PCDHGB1: variants seen among roughly 807,000 people sequenced by gnomAD.
PCDHGB1 encodes protocadherin gamma subfamily B, 1, also known as protocadherin gamma-B1.
PCDHGB1 carries 34 observed loss-of-function variants against 56.6 expected under a neutral mutation model. The observed-to-expected ratio is 0.60, with a 90% confidence interval of 0.46 to 0.80. PCDHGB1 has a LOEUF of 0.80. PCDHGB1 is among the 30% of genes least tolerant of loss of function. The probability of loss-of-function intolerance (pLI) is 0.00; values close to 1 mark genes in which losing one functional copy is unlikely to be tolerated. For synonymous variants in PCDHGB1, 561 were observed against 505.9 expected, an observed-to-expected ratio of 1.11 and a Z score of -1.46; for missense variants, 1,278 against 1,204.6, an observed-to-expected ratio of 1.06 and a Z score of -0.90.
At chr5:141,421,184 C>T (rs2096551183) in intron 1 of PCDHGB1, 4 of 1,457,822 alleles carry the variant, frequency 2.7e-6, no homozygotes, top group Non-Finnish European at 3.7e-6. Context: ...CGATTCACAA[C>T]CAACCAGCTC....
rs1427881816 is a variant in PCDHGB1 at position 141,486,740 on chromosome 5, T to C, written c.2410-8067T>C. ...AGGAGCTGTTCATGCTACTCGATCC[T>C]TTGACTATGAGCAAACCCAGACACT... On this transcript the variant is annotated intron_variant, in intron 1 of 3. Coordinates refer to ENST00000523390, the MANE Select transcript of PCDHGB1 (RefSeq NM_018922.3). The surrounding 1 kb of genome is among the most constrained non-coding windows in gnomAD (Gnocchi z 5.0). 6.2e-7 allele frequency: 1 copy of C among 1,614,234 alleles called. No homozygotes were observed. Among genetic ancestry groups the C allele is most frequent in the Admixed American group, 1.7e-5 (1 of 60,026 alleles).
intron 1 of PCDHGB1, chr5:141,356,408 GGTTGTT>G: frequency 3.8e-6 from 6 of 1,595,544 alleles, no homozygotes; most frequent in Non-Finnish European, 5.1e-6. Flanking sequence ...AATTATTATC[GGTTGTT>G]GACACACAGA....
intron 1 of PCDHGB1, chr5:141,378,252 C>A (rs939045432): frequency 6.6e-6 from 1 of 152,178 alleles, no homozygotes; most frequent in Admixed American, 6.5e-5. Context: ...TGGCCGGGTG[C>A]GGTGGCTCAT....
intron 1 of PCDHGB1, chr5:141,418,471 G>A (rs199547102): frequency 1.9e-6 from 3 of 1,614,002 alleles, no homozygotes; most frequent in South Asian, 2.2e-5. Flanking sequence ...ACCGAGAAAC[G>A]CAGAGCGCTC....
At chr5:141,475,902 C>T (rs1296545944) in intron 1 of PCDHGB1, 1 of 576,594 alleles carries the variant, frequency 1.7e-6, no homozygotes, top group Non-Finnish European at 3.0e-6. Context: ...GTGCCGCTGT[C>T]GGCCAATGAA....
chr5:141,376,868 T>G, intron 1 of PCDHGB1: 1 of 220,664 alleles, frequency 4.5e-6, no homozygotes, highest in East Asian at 1.2e-4. Flanking sequence ...TTTGTATTTT[T>G]AGTAGAGACG....
In PCDHGB1 at chr5:141,404,090, G is replaced by T. The variant is rs1014506897; in HGVS notation, c.2409+51421G>T. On this transcript the variant is annotated intron_variant, in intron 1 of 3. Transcript: ENST00000523390. ...TCATGACCGAGACTCCGGGAAGAATGGTCAAGTTGTCTGTTCTATCCAGGA... is the reference window on the plus strand; with the variant it reads ...TCATGACCGAGACTCCGGGAAGAATTGTCAAGTTGTCTGTTCTATCCAGGA... 4 of 1,613,262 alleles carry T rather than the reference G, an allele frequency of 2.5e-6. No homozygotes were observed. In the Admixed American group the frequency reaches 6.7e-5, roughly 27 times the overall value.
intron 1 of PCDHGB1, chr5:141,423,750 TGG>T (rs144521096): frequency 3.2e-4 from 92 of 287,850 alleles, no homozygotes; most frequent in South Asian, 5.2e-4. Context: ...GAAAACTGTT[TGG>T]GGGGGGGGTG....
rs536902009 is a variant in PCDHGB1, at chr5:141,361,669, G to T, written c.2409+9000G>T. 2.5e-6 allele frequency: 4 copies of T among 1,613,692 alleles called. No individual in the cohort carries two copies. The African/African-American group carries it at 4.0e-5, about 16-fold the overall frequency. ...CTACGTGTCCGTGAGCGCGCAGAGC[G>T]GGGTGGTGTTCGCGCAGCGCGCCTT... On this transcript the variant is annotated intron_variant, in intron 1 of 3. Transcript: ENST00000523390.
chr5:141,504,135 C>T (rs758903340), intron 2 of PCDHGB1, among the ~76,000 whole-genome samples: 1 of 152,188 alleles, frequency 6.6e-6, no homozygotes, highest in Non-Finnish European at 1.5e-5. Context: ...CCCGCCAACA[C>T]TCCCCTGCAA....
At chr5:141,408,896 G>A (rs1441378199) in intron 1 of PCDHGB1, 5 of 1,613,328 alleles carry the variant, frequency 3.1e-6, no homozygotes, top group East Asian at 2.2e-5. Flanking sequence ...AGAAATTTCT[G>A]TCAAGGATAC....
chr5:141,462,774 A>G (rs890366708), intron 1 of PCDHGB1, among the ~76,000 whole-genome samples: 1 of 152,126 alleles, frequency 6.6e-6, no homozygotes, highest in Admixed American at 6.6e-5. Context: ...GCTTGGGGTC[A>G]TAATTTGTTG....
intron 1 of PCDHGB1, chr5:141,422,528 C>T: frequency 5.0e-6 from 8 of 1,614,018 alleles, no homozygotes; most frequent in Non-Finnish European, 5.1e-6. Flanking sequence ...CCGCCTTTGT[C>T]TGCAGAAACT....
intron 1 of PCDHGB1, chr5:141,378,340 T>G (rs887140006): frequency 2.0e-5 from 3 of 152,166 alleles, no homozygotes; most frequent in African/African-American, 7.2e-5. Context: ...CTGACCAACA[T>G]GGTGAAACCC....
rs70988800 is a variant in PCDHGB1 at position 141,379,889 on chromosome 5, C to CTTTTTTTTTTTTTTTT, written c.2409+27235_2409+27250dup. 2.0e-3 allele frequency among the ~76,000 whole-genome samples: 102 copies of CTTTTTTTTTTTTTTTT among 50,818 alleles called. 16 individuals carry two copies. The highest frequency in any genetic ancestry group is 2.6e-3 in the Non-Finnish European group (66 of 25,878). The allele number at this position is 50,818 out of a possible 152,430, so 33.3% of individuals were successfully genotyped here. On this transcript the variant is annotated intron_variant, in intron 1 of 3. Transcript: ENST00000523390. Reference sequence around the variant, plus strand: ...CTTATTTTATGGTCTGTGAAAGCCTCTTTTTTTTTTTTTTTTTTTTTTTTT... The same window carrying CTTTTTTTTTTTTTTTT: ...CTTATTTTATGGTCTGTGAAAGCCTCTTTTTTTTTTTTTTTTTTTTTTTTTTTTTTTTTTTTTTTTT...
At chr5:141,403,699 T>G (rs780425739) in intron 1 of PCDHGB1, 6 of 1,613,934 alleles carry the variant, frequency 3.7e-6, no homozygotes, top group East Asian at 2.2e-5. Context: ...TTTACCGAGT[T>G]AAAGTCCTTG....
intron 1 of PCDHGB1, among the ~76,000 whole-genome samples, chr5:141,455,803 A>C (rs1197986124): frequency 2.6e-5 from 4 of 152,068 alleles, no homozygotes; most frequent in Non-Finnish European, 4.4e-5. Flanking sequence ...TGCTTTAAAA[A>C]ATGAAAACTT....
chr5:141,421,731 C>A (rs73792198), intron 1 of PCDHGB1: 144,261 of 1,613,668 alleles, frequency 0.089, 7,407 homozygotes, highest in African/African-American at 0.18. Flanking sequence ...TGAACTCCCT[C>A]CAGAGCTACC....
Position 141,431,698 on chromosome 5 carries a change from A to ATTC in PCDHGB1, c.2410-63107_2410-63105dup. 6.2e-7 allele frequency: 1 copy of ATTC among 1,614,222 alleles called. No homozygotes were observed. Among genetic ancestry groups the ATTC allele is most frequent in the Non-Finnish European group, 8.5e-7 (1 of 1,180,036 alleles). The stretch of plus-strand genomic sequence containing the variant: ...GGGAGTTGGACCACGAGGAGTCAGG[A>ATTC]TTCTACCAGATGGAAGTGCAAGCAA... On this transcript the variant is annotated intron_variant, in intron 1 of 3. Coordinates refer to ENST00000523390, the MANE Select transcript of PCDHGB1 (RefSeq NM_018922.3). This position sits in a 1 kb window ranked among gnomAD's most constrained non-coding sequence, Gnocchi z 4.8.
Sources: allele counts gnomAD v4.1 joint callset (sites outside exome capture counted in the v4.1 genomes callset), GRCh38; gene constraint gnomAD v4.1.1; non-coding constraint Gnocchi (gnomAD v3.1); transcripts MANE v1.5; gene names NCBI Gene and HGNC (gene_info 2026-07-23, HGNC 2026-07-21).